The following DLG2 variants were observed in gnomAD, a reference collection of about 807,000 sequenced individuals.
The protein encoded by DLG2 is disks large homolog 2.
In DLG2, 45 loss-of-function variants were observed where a neutral mutation model predicts 132.5. The observed-to-expected ratio is 0.34, with a 90% CI of 0.27 to 0.44. DLG2 has a LOEUF of 0.44. Among genes scored for constraint, DLG2 ranks in the 20% least tolerant of loss-of-function variants. The pLI is 1.00. For synonymous variants in DLG2, 424 were observed against 419.6 expected (o/e 1.01, Z -0.13); for missense variants, 1,045 against 1,196.9 (o/e 0.87, Z 1.87).
At chr11:84,801,380 T>A (rs146968288) in intron 6 of DLG2, among the ~76,000 whole-genome samples, 1 of 152,074 alleles carries the variant, frequency 6.6e-6, no homozygotes, top group African/African-American at 2.4e-5. Context: ...CCATCCTGGC[T>A]AACACTGTGA....
chr11:83,531,641 C>T (rs1235541597), intron 21 of DLG2, among the ~76,000 whole-genome samples: 1 of 151,966 alleles, frequency 6.6e-6, no homozygotes, highest in Non-Finnish European at 1.5e-5. Flanking sequence ...AATCTCACTC[C>T]TAGGCATACA....
intron 3 of DLG2, among the ~76,000 whole-genome samples, chr11:85,376,125 C>T (rs1375143404): frequency 6.6e-6 from 1 of 152,104 alleles, no homozygotes; most frequent in African/African-American, 2.4e-5. Flanking sequence ...AAAATGAATA[C>T]ATCCCCACAG....
intron 3 of DLG2, among the ~76,000 whole-genome samples, chr11:85,291,832 G>C (rs896027332): frequency 1.3e-5 from 2 of 151,948 alleles, no homozygotes; most frequent in Non-Finnish European, 2.9e-5. Context: ...TGATCCACCC[G>C]CCTCAGCCTC....
chr11:85,242,185 C>CT (rs2075914551), intron 4 of DLG2, among the ~76,000 whole-genome samples: 1 of 151,854 alleles, frequency 6.6e-6, no homozygotes, highest in African/African-American at 2.4e-5. Context: ...AATTCAAAGC[C>CT]TTTTTCCTTC....
chr11:84,775,121 A>G (rs1597816515), intron 6 of DLG2, among the ~76,000 whole-genome samples: 2 of 152,328 alleles, frequency 1.3e-5, no homozygotes, highest in East Asian at 3.9e-4. Flanking sequence ...TGAGAAAAGG[A>G]CATGAATAGA....
chr11:84,733,606 T>C (rs1476548435), intron 6 of DLG2, among the ~76,000 whole-genome samples: 1 of 152,186 alleles, frequency 6.6e-6, no homozygotes, highest in East Asian at 1.9e-4. Flanking sequence ...ACTCTGAGGG[T>C]AGTTTCTTTT....
At chr11:84,966,498 G>A (rs1346331991) in intron 6 of DLG2, among the ~76,000 whole-genome samples, 1 of 152,084 alleles carries the variant, frequency 6.6e-6, no homozygotes, top group Non-Finnish European at 1.5e-5. Context: ...TGAATAGTTG[G>A]AAAGTATTAT....
At chr11:84,507,190 T>C (rs2154513256) in intron 7 of DLG2, among the ~76,000 whole-genome samples, 1 of 152,302 alleles carries the variant, frequency 6.6e-6, no homozygotes, top group South Asian at 2.1e-4. Flanking sequence ...CTATTACAGA[T>C]ACAGAAATAA....
chr11:85,613,057 T>C (rs1246665231), intron 2 of DLG2, among the ~76,000 whole-genome samples: 1 of 152,098 alleles, frequency 6.6e-6, no homozygotes, highest in African/African-American at 2.4e-5. Flanking sequence ...CTGTCCGGCG[T>C]TTATAGGAAA....
intron 3 of DLG2, among the ~76,000 whole-genome samples, chr11:85,539,702 C>T (rs549964109): frequency 2.1e-4 from 32 of 151,918 alleles, no homozygotes; most frequent in Middle Eastern, 3.4e-3. Context: ...TGAGTTTAAC[C>T]GATAAATATA....
chr11:84,554,021 T>C (rs902459919), intron 6 of DLG2, among the ~76,000 whole-genome samples: 2 of 152,196 alleles, frequency 1.3e-5, no homozygotes, highest in African/African-American at 2.4e-5. Flanking sequence ...GTGCACATTC[T>C]CTATTCATCA....
At chr11:84,645,760 C>T (rs1399457424) in intron 6 of DLG2, among the ~76,000 whole-genome samples, 2 of 152,210 alleles carry the variant, frequency 1.3e-5, no homozygotes, top group Non-Finnish European at 2.9e-5. Flanking sequence ...AGCCACCGCG[C>T]CAGGCCCATA....
rs143140499 is a variant in DLG2, at chr11:84,806,444, A to T, written c.358-271713T>A. Reference sequence around the variant, plus strand: ...TCATGAAAGCAGCAAGAGAGAAATGACATTTTACCTATAGGGAAAAATCAC... The same window carrying T: ...TCATGAAAGCAGCAAGAGAGAAATGTCATTTTACCTATAGGGAAAAATCAC... On this transcript the variant is annotated intron_variant, in intron 6 of 27. Coordinates refer to ENST00000376104, the MANE Select transcript of DLG2 (RefSeq NM_001142699.3). Among the ~76,000 whole-genome samples the T allele has an allele frequency of 4.3e-3, 662 of 152,320 alleles. 1 individual carries two copies. Among genetic ancestry groups the T allele is most frequent in the African/African-American group, 0.015 (620 of 41,576 alleles).
intron 8 of DLG2, among the ~76,000 whole-genome samples, chr11:84,204,330 A>G (rs2096637650): frequency 6.6e-6 from 1 of 152,220 alleles, no homozygotes; most frequent in South Asian, 2.1e-4. Context: ...CAAAAAATAG[A>G]AATAGAGAAA....
intron 3 of DLG2, among the ~76,000 whole-genome samples, chr11:85,324,944 G>T (rs1385279119): frequency 6.8e-6 from 1 of 148,144 alleles, no homozygotes; most frequent in African/African-American, 2.5e-5. Context: ...GCAGGGCGAG[G>T]CATTGCCTCA....
intron 4 of DLG2, among the ~76,000 whole-genome samples, chr11:85,252,705 G>A (rs2076459520): frequency 6.6e-6 from 1 of 152,096 alleles, no homozygotes; most frequent in African/African-American, 2.4e-5. Context: ...TATAAACATT[G>A]TAAATATCTA....
chr11:84,125,272 GCACTTATAA>G (rs1384472298), intron 9 of DLG2, among the ~76,000 whole-genome samples: 1 of 152,140 alleles, frequency 6.6e-6, no homozygotes, highest in African/African-American at 2.4e-5. Flanking sequence ...AGCTGAGACA[GCACTTATAA>G]TACTACAAAT....
intron 11 of DLG2, among the ~76,000 whole-genome samples, chr11:83,993,862 G>T (rs776954623): frequency 2.0e-5 from 3 of 152,086 alleles, no homozygotes; most frequent in Admixed American, 2.0e-4. Flanking sequence ...AAGTTACATA[G>T]ATTATTTAAA....
chr11:83,728,265 T>C (rs577201972), intron 18 of DLG2, among the ~76,000 whole-genome samples: 76 of 152,212 alleles, frequency 5.0e-4, no homozygotes, highest in Non-Finnish European at 1.0e-3. Context: ...AATCCATTGC[T>C]GACTCCCCAT....
Sources: gnomAD v4.1 joint callset for allele counts (sites outside exome capture counted in the v4.1 genomes callset) on GRCh38, gnomAD v4.1.1 for gene constraint, MANE v1.5 for transcripts, NCBI Gene and HGNC (gene_info 2026-07-23, HGNC 2026-07-21) for gene names.